The following CAB39L variants were observed in gnomAD, a reference collection of about 807,000 sequenced individuals.
CAB39L encodes the protein calcium-binding protein 39-like.
Under a neutral mutation model 39.1 loss-of-function variants are expected in CAB39L, and 23 were observed. That is an observed-to-expected ratio of 0.59 (90% CI 0.42 to 0.83). The LOEUF is 0.83. Among genes scored for constraint, CAB39L ranks in the 40% least tolerant of loss-of-function variants. The pLI, the probability that CAB39L is intolerant of heterozygous loss-of-function variation, is 0.00. For missense variants in CAB39L, 366 were observed against 391.9 expected (o/e 0.93, Z 0.56); for synonymous variants, 126 against 137.2 (o/e 0.92, Z 0.57).
chr13:49,351,442 G>A (rs1172145434), intron 6 of CAB39L, among the ~76,000 whole-genome samples: 1 of 152,190 alleles, frequency 6.6e-6, no homozygotes, highest in East Asian at 1.9e-4. Context: ...TGATTCGATT[G>A]TAGAGGAAGA....
At chr13:49,416,107 GA>G in intron 3 of CAB39L, among the ~76,000 whole-genome samples, 1 of 152,282 alleles carries the variant, frequency 6.6e-6, no homozygotes, top group African/African-American at 2.4e-5. Flanking sequence ...CATTTATGCT[GA>G]ACCACATCTT....
chr13:49,343,659 AAGAG>A (rs1233196218), intron 8 of CAB39L, among the ~76,000 whole-genome samples: 1 of 151,930 alleles, frequency 6.6e-6, no homozygotes, highest in East Asian at 1.9e-4. Flanking sequence ...CAGAGACAGA[AAGAG>A]AGAGAGAAAG....
At chr13:49,345,513 G>A (rs564589613) in intron 7 of CAB39L, among the ~76,000 whole-genome samples, 16 of 152,222 alleles carry the variant, frequency 1.1e-4, no homozygotes, top group African/African-American at 3.1e-4. Context: ...CAGGGGTTCC[G>A]TTCCCACCCC....
intron 5 of CAB39L, among the ~76,000 whole-genome samples, chr13:49,361,581 GAA>G (rs374510689): frequency 0.23 from 34,480 of 149,602 alleles, 4,221 homozygotes; most frequent in Middle Eastern, 0.29. Context: ...AAGAAAGAAA[GAA>G]AGAGAGAAAG....
chr13:49,383,076 G>T, intron 3 of CAB39L, 135 bp from the exon 4 acceptor site: 1 of 392,148 alleles, frequency 2.6e-6, no homozygotes, highest in Non-Finnish European at 4.5e-6. Context: ...ATTAAAATGA[G>T]TTTCAAGTTT....
intron 5 of CAB39L, among the ~76,000 whole-genome samples, chr13:49,376,376 A>C (rs913980182): frequency 6.6e-6 from 1 of 152,254 alleles, no homozygotes; most frequent in Non-Finnish European, 1.5e-5. Context: ...TAAAATGACT[A>C]GACATATTCA....
intron 1 of CAB39L, among the ~76,000 whole-genome samples, chr13:49,441,449 C>T (rs1957521714): frequency 6.6e-6 from 1 of 151,764 alleles, no homozygotes; most frequent in Non-Finnish European, 1.5e-5. Flanking sequence ...TATCTATAGT[C>T]CCAGCTACTC....
At chr13:49,409,869 T>A (rs1213224799) in intron 3 of CAB39L, among the ~76,000 whole-genome samples, 1 of 142,620 alleles carries the variant, frequency 7.0e-6, no homozygotes, top group Non-Finnish European at 1.6e-5. Context: ...GTCCAGGAGT[T>A]CAAGACCAGC....
intron 3 of CAB39L, among the ~76,000 whole-genome samples, chr13:49,386,191 A>AT (rs1350922826): frequency 1.3e-5 from 2 of 152,312 alleles, no homozygotes; most frequent in East Asian, 1.9e-4. Context: ...ATATGATATG[A>AT]TTTTTTGTCC....
intron 9 of CAB39L, among the ~76,000 whole-genome samples, chr13:49,337,049 C>A (rs549526025): frequency 6.6e-6 from 1 of 152,126 alleles, no homozygotes; most frequent in Non-Finnish European, 1.5e-5. Context: ...CCCATTAACA[C>A]CCAGTGAGGG....
chr13:49,329,540 AAAAAATATATATATATAT>A (rs1411434799), intron 10 of CAB39L, among the ~76,000 whole-genome samples: 23 of 37,574 alleles, frequency 6.1e-4, no homozygotes, highest in East Asian at 3.2e-3. Context: ...CAATTAAAAA[AAAAAATATATATATATAT>A]ATATATATAT....
intron 3 of CAB39L, among the ~76,000 whole-genome samples, chr13:49,387,432 G>A (rs12716690): frequency 0.55 from 82,916 of 152,018 alleles, 24,024 homozygotes; most frequent in African/African-American, 0.72. Context: ...CCAGAAGGCT[G>A]ACACTAGATA....
intron 3 of CAB39L, among the ~76,000 whole-genome samples, chr13:49,385,178 G>C (rs1344583358): frequency 6.6e-6 from 1 of 152,198 alleles, no homozygotes; most frequent in Non-Finnish European, 1.5e-5. Context: ...ACTTGCTGCA[G>C]CTTCTATAAA....
At position 49,360,086 on chromosome 13, in the gene CAB39L, C is replaced by T. The variant is rs181034188; in HGVS notation, c.277-254G>A. Among the ~76,000 whole-genome samples, 338 of 152,138 alleles carry T rather than the reference C, an allele frequency of 2.2e-3. 2 individuals carry two copies. Among genetic ancestry groups the T allele is most frequent in the African/African-American group, 7.8e-3 (322 of 41,512 alleles). On this transcript the variant is annotated intron_variant, in intron 5 of 10. Transcript: ENST00000409308. ...ATTTGACCAACGAGAAATCCATTTC[C>T]CACAGAGCATGGAAGGACATAAAGT...
At position 49,350,878 on chromosome 13, in the gene CAB39L, T is replaced by C; in HGVS notation, c.430A>G (p.Ile144Val). The C allele has an allele frequency of 1.2e-6, 2 of 1,609,178 alleles. No individual in the cohort carries two copies. Among genetic ancestry groups the C allele is most frequent in the Non-Finnish European group, 8.5e-7 (1 of 1,177,836 alleles). Residue 144 changes from isoleucine to valine, a missense_variant, in exon 7 of 11, where the codon ATT becomes GTT. By Grantham distance (29) the Ile-to-Val change is conservative. Transcript: ENST00000409308. Reference sequence around the variant, plus strand: ...TGTCGAATACATTCTCTCAGCATAATCCCACAACGTAAGGCAATCTGTGGG... The same window carrying C: ...TGTCGAATACATTCTCTCAGCATAACCCCACAACGTAAGGCAATCTGTGGG... ...EAPQIALRCG[I>V]MLRECIRHEP...
At chr13:49,429,657 G>C (rs1957290633) in intron 3 of CAB39L, among the ~76,000 whole-genome samples, 1 of 152,156 alleles carries the variant, frequency 6.6e-6, no homozygotes, top group South Asian at 2.1e-4. Context: ...GTTAACTAAA[G>C]ATGCTACCAG....
At chr13:49,323,090 T>C (rs9535200) in intron 10 of CAB39L, among the ~76,000 whole-genome samples, 93,251 of 152,048 alleles carry the variant, frequency 0.61, 29,893 homozygotes, top group South Asian at 0.78. Context: ...TGAGCCTCTC[T>C]GTATTCTCTA....
chr13:49,437,520 C>G (rs1479428560), intron 1 of CAB39L, among the ~76,000 whole-genome samples: 1 of 152,128 alleles, frequency 6.6e-6, no homozygotes, highest in Non-Finnish European at 1.5e-5. Context: ...TCTCACTTCT[C>G]TATCCAGGGT....
At chr13:49,442,356 T>G (rs1957538181) in intron 1 of CAB39L, among the ~76,000 whole-genome samples, 1 of 152,244 alleles carries the variant, frequency 6.6e-6, no homozygotes, top group African/African-American at 2.4e-5. Context: ...TATAAAGCTT[T>G]GATTCTATCT....
Sources: allele counts gnomAD v4.1 joint callset (sites outside exome capture counted in the v4.1 genomes callset), GRCh38; gene constraint gnomAD v4.1.1; transcripts MANE v1.5; gene names NCBI Gene and HGNC (gene_info 2026-07-23, HGNC 2026-07-21).